The following SGCD variants were observed in gnomAD, a reference collection of about 807,000 sequenced individuals.
SGCD encodes the protein sarcoglycan delta, also known as delta-sarcoglycan.
Under a neutral mutation model 36.6 loss-of-function variants are expected in SGCD, and 18 were observed. That is an observed-to-expected ratio of 0.49 (90% CI 0.34 to 0.73). The LOEUF (loss-of-function observed/expected upper bound fraction) is 0.73. SGCD is among the 30% of genes least tolerant of loss of function. The probability of loss-of-function intolerance (pLI) is 0.01; values close to 1 mark genes in which losing one functional copy is unlikely to be tolerated. For synonymous variants in SGCD, 133 were observed against 130.6 expected (o/e 1.02, Z -0.12); for missense variants, 387 against 346.7 (o/e 1.12, Z -0.92).
At chr5:156,704,665 C>T (rs78940236) in intron 7 of SGCD, among the ~76,000 whole-genome samples, 1,668 of 152,010 alleles carry the variant, frequency 0.011, 29 homozygotes, top group East Asian at 0.046. Context: ...GTGGTTTATT[C>T]GAATATTTTA....
intron 3 of SGCD, among the ~76,000 whole-genome samples, chr5:156,215,556 T>C (rs1453971555): frequency 6.6e-6 from 1 of 151,980 alleles, no homozygotes; most frequent in Non-Finnish European, 1.5e-5. Flanking sequence ...AGACATACAA[T>C]AGGCTAACAG....
rs1326533881 is a variant in SGCD, at chr5:156,633,279, A to T, written c.503-14185A>T. On this transcript the variant is annotated intron_variant, in intron 6 of 8. Transcript: ENST00000337851. ...GTTTCAGTTCTCAAGCTAGAATCTG[A>T]TTGGTCAGGTGTAGACAGGTAGCAA... Among the ~76,000 whole-genome samples, 19 of 152,302 alleles carry T rather than the reference A, an allele frequency of 1.2e-4. No individual in the cohort carries two copies. In the East Asian group the frequency reaches 3.7e-3, roughly 29 times the overall value.
intron 3 of SGCD, among the ~76,000 whole-genome samples, chr5:156,222,995 C>T (rs1246995621): frequency 6.6e-6 from 1 of 152,092 alleles, no homozygotes; most frequent in African/African-American, 2.4e-5. Context: ...TCCCCCTACC[C>T]ACCCAACAAC....
At chr5:156,381,183 G>C (rs1269180084) in intron 3 of SGCD, among the ~76,000 whole-genome samples, 4 of 152,178 alleles carry the variant, frequency 2.6e-5, no homozygotes, top group Non-Finnish European at 5.9e-5. Context: ...GCAGTTCTGA[G>C]GCTCTTTAAA....
chr5:156,225,044 C>T (rs1764815154), intron 3 of SGCD, among the ~76,000 whole-genome samples: 1 of 152,010 alleles, frequency 6.6e-6, no homozygotes, highest in Non-Finnish European at 1.5e-5. Context: ...TATTTATCAC[C>T]TCTGAAATAG....
At chr5:156,244,021 A>C (rs565006558) in intron 3 of SGCD, among the ~76,000 whole-genome samples, 1 of 152,226 alleles carries the variant, frequency 6.6e-6, no homozygotes. Flanking sequence ...GTCACATGAC[A>C]GTGAAGAAGC....
chr5:156,352,168 C>T (rs769928434), intron 3 of SGCD, among the ~76,000 whole-genome samples: 17 of 152,170 alleles, frequency 1.1e-4, no homozygotes, highest in Non-Finnish European at 2.1e-4. Flanking sequence ...ATCATGTAGA[C>T]AATCATTTAG....
intron 3 of SGCD, among the ~76,000 whole-genome samples, chr5:156,362,854 C>CA (rs1769879476): frequency 6.6e-6 from 1 of 152,084 alleles, no homozygotes; most frequent in Non-Finnish European, 1.5e-5. Flanking sequence ...GGAATTATAG[C>CA]AATATATTAA....
In SGCD at chr5:155,991,405, T is replaced by G. The variant is rs1758429865; in HGVS notation, c.-282+120981T>G. 2.6e-5 allele frequency among the ~76,000 whole-genome samples: 4 copies of G among 152,126 alleles called. No homozygotes were observed. The South Asian group carries it at 8.3e-4, about 32-fold the overall frequency. On this transcript the variant is annotated intron_variant, in intron 1 of 9. Transcript: ENST00000517913. ...GAGCTGTTTCTCCTAAATATCACAG[T>G]GAGGTGCATGACACTGAGTGTGAAT... is the stretch of plus-strand genomic sequence containing the variant.
intron 1 of SGCD, among the ~76,000 whole-genome samples, chr5:155,909,111 C>CT (rs1176486101): frequency 6.6e-6 from 1 of 152,060 alleles, no homozygotes; most frequent in Non-Finnish European, 1.5e-5. Context: ...GGGGAATAAT[C>CT]TGTCTGCAAT....
the SGCD span, among the ~76,000 whole-genome samples, chr5:155,740,857 G>C: frequency 6.6e-6 from 1 of 152,178 alleles, no homozygotes; most frequent in African/African-American, 2.4e-5. Context: ...GTCAACAAAA[G>C]AGTCAAATCT....
At chr5:156,269,505 A>AAACAAAAC (rs1561593282) in intron 3 of SGCD, among the ~76,000 whole-genome samples, 1 of 86,174 alleles carries the variant, frequency 1.2e-5, no homozygotes, top group African/African-American at 5.2e-5. Context: ...AAAAAAAAAA[A>AAACAAAAC]AAAAACCATC....
chr5:155,787,598 G>T, the SGCD span, among the ~76,000 whole-genome samples: 2 of 152,152 alleles, frequency 1.3e-5, no homozygotes, highest in South Asian at 2.1e-4. Context: ...GGGGAGTGTT[G>T]TGGTTCTTCC....
chr5:156,496,581 G>A (rs1756200066), intron 3 of SGCD, among the ~76,000 whole-genome samples: 1 of 152,126 alleles, frequency 6.6e-6, no homozygotes, highest in Non-Finnish European at 1.5e-5. Context: ...ATTATGACAT[G>A]AGATTAGGAT....
chr5:156,091,790 A>T (rs1479157819), intron 1 of SGCD, among the ~76,000 whole-genome samples: 1 of 152,174 alleles, frequency 6.6e-6, no homozygotes, highest in Non-Finnish European at 1.5e-5. Context: ...TGTTCCAGCA[A>T]AGTCAATACC....
chr5:156,147,778 T>G (rs1481609157), intron 3 of SGCD, among the ~76,000 whole-genome samples: 1 of 152,144 alleles, frequency 6.6e-6, no homozygotes. Flanking sequence ...TGGGAGAAAT[T>G]CTACTGTCTT....
rs1471447810 is a variant in SGCD at position 155,944,126 on chromosome 5, C to T, written c.-282+73702C>T. The stretch of plus-strand genomic sequence containing the variant: ...TTTCTTTCTGTGGTTATTCATTTCT[C>T]ATGGGATGCAGACCATTTATCAGCC... On this transcript the variant is annotated intron_variant, in intron 1 of 9. Transcript: ENST00000517913. 2.6e-5 allele frequency among the ~76,000 whole-genome samples: 4 copies of T among 152,178 alleles called. No individual in the cohort carries two copies. In the East Asian group the frequency reaches 7.7e-4, roughly 29 times the overall value.
chr5:156,681,956 G>A (rs527399357), intron 7 of SGCD, among the ~76,000 whole-genome samples: 7 of 152,288 alleles, frequency 4.6e-5, no homozygotes, highest in African/African-American at 7.2e-5. Context: ...CTCAGCAGGC[G>A]TTTATTTAAT....
intron 3 of SGCD, among the ~76,000 whole-genome samples, chr5:156,478,145 A>G (rs1030814205): frequency 2.0e-5 from 3 of 152,104 alleles, no homozygotes; most frequent in African/African-American, 7.2e-5. Context: ...TCCTACTTCA[A>G]TGGTTATGGC....
Sources: allele counts gnomAD v4.1 joint callset (sites outside exome capture counted in the v4.1 genomes callset), GRCh38; gene constraint gnomAD v4.1.1; transcripts MANE v1.5; gene names NCBI Gene and HGNC (gene_info 2026-07-23, HGNC 2026-07-21).